TCF7L1: variants seen among roughly 807,000 people sequenced by gnomAD.
The protein encoded by TCF7L1 is transcription factor 7-like 1.
A neutral mutation model predicts 63.7 loss-of-function variants in TCF7L1; 18 were observed. That is an observed-to-expected ratio of 0.28 (90% CI 0.20 to 0.42). The LOEUF (loss-of-function observed/expected upper bound fraction) is 0.42. Among genes scored for constraint, TCF7L1 ranks in the 10% least tolerant of loss-of-function variants. The probability of loss-of-function intolerance (pLI) is 1.00; values close to 1 mark genes in which losing one functional copy is unlikely to be tolerated. For synonymous variants in TCF7L1, 355 were observed against 340.9 expected (o/e 1.04, Z -0.46); for missense variants, 654 against 779.3 (o/e 0.84, Z 1.91).
intron 3 of TCF7L1, among the ~76,000 whole-genome samples, chr2:85,145,547 G>T (rs984536136): frequency 6.6e-6 from 1 of 152,252 alleles, no homozygotes; most frequent in Non-Finnish European, 1.5e-5. Context: ...AACTCAGCCG[G>T]ATTTGCAAGA....
intron 3 of TCF7L1, among the ~76,000 whole-genome samples, chr2:85,199,626 G>A (rs1310498910): frequency 6.6e-6 from 1 of 152,192 alleles, no homozygotes; most frequent in East Asian, 1.9e-4. Context: ...AAAGCTCCCC[G>A]AGTGATTCTA....
intron 3 of TCF7L1, among the ~76,000 whole-genome samples, chr2:85,222,047 A>G (rs190975755): frequency 1.5e-3 from 229 of 152,206 alleles, no homozygotes; most frequent in African/African-American, 5.2e-3. Context: ...AAAGGCTATA[A>G]AAGACTAAAG....
intron 3 of TCF7L1, among the ~76,000 whole-genome samples, chr2:85,248,435 GATCTGCAGCCAAATAA>G (rs2104332486): frequency 6.6e-6 from 1 of 152,266 alleles, no homozygotes; most frequent in South Asian, 2.1e-4. Flanking sequence ...GGAGTAGCAG[GATCTGCAGCCAAATAA>G]ATACAACCCA....
intron 3 of TCF7L1, chr2:85,233,914 G>A (rs1255521915): frequency 2.6e-5 from 4 of 152,034 alleles, no homozygotes; most frequent in Non-Finnish European, 1.5e-5. Flanking sequence ...TTTCATTACC[G>A]AGCGGTTTTC....
At chr2:85,162,788 G>T (rs1558620642) in intron 3 of TCF7L1, among the ~76,000 whole-genome samples, 1 of 152,132 alleles carries the variant, frequency 6.6e-6, no homozygotes, top group Non-Finnish European at 1.5e-5. Flanking sequence ...CTGGGCATTT[G>T]GTTCTGGTTC....
At chr2:85,193,844 G>GAGATAAA (rs1422520817) in intron 3 of TCF7L1, among the ~76,000 whole-genome samples, 17 of 152,190 alleles carry the variant, frequency 1.1e-4, no homozygotes, top group Non-Finnish European at 2.2e-4. Flanking sequence ...TATAGAGAGA[G>GAGATAAA]AGATAAAGTA....
chr2:85,203,686 A>G (rs1323333494), intron 3 of TCF7L1, among the ~76,000 whole-genome samples: 1 of 151,844 alleles, frequency 6.6e-6, no homozygotes. Context: ...CCATGTTCAC[A>G]CCACTGCACT....
At chr2:85,248,378 A>T (rs1680516800) in intron 3 of TCF7L1, among the ~76,000 whole-genome samples, 1 of 152,132 alleles carries the variant, frequency 6.6e-6, no homozygotes, top group African/African-American at 2.4e-5. Context: ...TGCATTTCTA[A>T]CACAATTCCA....
chr2:85,170,917 G>T (rs1678531236), intron 3 of TCF7L1, among the ~76,000 whole-genome samples: 1 of 152,160 alleles, frequency 6.6e-6, no homozygotes, highest in South Asian at 2.1e-4. Context: ...TGCATATCTT[G>T]AAATTAGTTC....
At chr2:85,213,978 T>G (rs1679631023) in intron 3 of TCF7L1, among the ~76,000 whole-genome samples, 1 of 152,182 alleles carries the variant, frequency 6.6e-6, no homozygotes, top group Non-Finnish European at 1.5e-5. Context: ...CCCACCCCAG[T>G]GGGATGCTCC....
rs1240084279 is a variant in TCF7L1 at position 85,238,270 on chromosome 2, G to A, written c.442-45225G>A. 2.0e-5 allele frequency among the ~76,000 whole-genome samples: 3 copies of A among 152,190 alleles called. No homozygotes were observed. In the East Asian group the frequency reaches 5.8e-4, roughly 29 times the overall value. On this transcript the variant is annotated intron_variant, in intron 3 of 11. Coordinates refer to ENST00000282111, the MANE Select transcript of TCF7L1 (RefSeq NM_031283.3). ...CCTGTGAAGGGTTTTGGAGGAAGGG[G>A]AGGAGCCCCGAAGTCAGGGCAGGCA... is the stretch of plus-strand genomic sequence containing the variant.
At chr2:85,172,753 ACT>A (rs903928281) in intron 3 of TCF7L1, among the ~76,000 whole-genome samples, 4 of 151,822 alleles carry the variant, frequency 2.6e-5, no homozygotes, top group African/African-American at 9.7e-5. Flanking sequence ...TCCTTTCACA[ACT>A]GCAGGCTTGC....
intron 3 of TCF7L1, among the ~76,000 whole-genome samples, chr2:85,155,656 T>C (rs1408347422): frequency 6.6e-6 from 1 of 152,194 alleles, no homozygotes. Flanking sequence ...ATTTACTTCA[T>C]GTTTTCAGCT....
intron 4 of TCF7L1, among the ~76,000 whole-genome samples, chr2:85,293,461 C>G (rs902839780): frequency 2.6e-5 from 4 of 152,200 alleles, no homozygotes; most frequent in African/African-American, 7.2e-5. Context: ...TTTCCTGAGG[C>G]CTCCCCAGGA....
intron 4 of TCF7L1, among the ~76,000 whole-genome samples, chr2:85,289,958 G>A (rs1170811622): frequency 7.0e-6 from 1 of 142,458 alleles, no homozygotes; most frequent in African/African-American, 2.6e-5. Context: ...ACAGGCACGA[G>A]CCACCACGCC....
At chr2:85,301,693 G>T (rs1287101195) in intron 4 of TCF7L1, among the ~76,000 whole-genome samples, 1 of 152,192 alleles carries the variant, frequency 6.6e-6, no homozygotes, top group African/African-American at 2.4e-5. Context: ...GTGCTTTAGG[G>T]TTGTGTCTGT....
chr2:85,198,757 AGGCTGT>A (rs1248549459), intron 3 of TCF7L1, among the ~76,000 whole-genome samples: 1 of 152,132 alleles, frequency 6.6e-6, no homozygotes, highest in African/African-American at 2.4e-5. Context: ...GCTACTCTGG[AGGCTGT>A]GGCAGGAAGA....
At chr2:85,184,313 A>G (rs923458949) in intron 3 of TCF7L1, among the ~76,000 whole-genome samples, 2 of 152,110 alleles carry the variant, frequency 1.3e-5, no homozygotes, top group Non-Finnish European at 2.9e-5. Flanking sequence ...GCGGGGAAGA[A>G]AGGCGGAACC....
intron 7 of TCF7L1, among the ~76,000 whole-genome samples, chr2:85,304,670 A>G (rs1019636121): frequency 6.6e-6 from 1 of 152,180 alleles, no homozygotes; most frequent in African/African-American, 2.4e-5. Context: ...TCGTACATTG[A>G]AAACACAACT....
Sources: allele counts gnomAD v4.1 joint callset (sites outside exome capture counted in the v4.1 genomes callset), GRCh38; gene constraint gnomAD v4.1.1; transcripts MANE v1.5; gene names NCBI Gene and HGNC (gene_info 2026-07-23, HGNC 2026-07-21).